Variants in ZDHHC14 observed in about 807,000 individuals in gnomAD.
ZDHHC14 encodes palmitoyltransferase ZDHHC14.
ZDHHC14 carries 16 observed loss-of-function variants against 47.7 expected under a neutral mutation model. The ratio of observed to expected loss-of-function variants is 0.34; its 90% CI spans 0.23 to 0.51. The LOEUF (loss-of-function observed/expected upper bound fraction) is 0.51, where lower values mean the gene tolerates loss of function less well. ZDHHC14 is among the 20% of genes least tolerant of loss of function. The pLI, the probability that ZDHHC14 is intolerant of heterozygous loss-of-function variation, is 0.97. For synonymous variants in ZDHHC14, 293 were observed against 278.9 expected (o/e 1.05, Z -0.50); for missense variants, 515 against 662.5 (o/e 0.78, Z 2.44).
At chr6:157,588,173 T>G (rs1032625614) in intron 2 of ZDHHC14, among the ~76,000 whole-genome samples, 2 of 152,090 alleles carry the variant, frequency 1.3e-5, no homozygotes, top group Non-Finnish European at 2.9e-5. Flanking sequence ...GGCAGGAGAA[T>G]GGCTTGAATC....
intron 1 of ZDHHC14, among the ~76,000 whole-genome samples, chr6:157,468,713 A>G (rs1405285464): frequency 6.6e-6 from 1 of 152,200 alleles, no homozygotes; most frequent in African/African-American, 2.4e-5. Context: ...TTTATGGAGA[A>G]GATAAGCCTA....
chr6:157,593,778 A>G (rs996138821), intron 3 of ZDHHC14, among the ~76,000 whole-genome samples: 4 of 152,334 alleles, frequency 2.6e-5, no homozygotes, highest in Non-Finnish European at 5.9e-5. Context: ...ACCCGGGCCC[A>G]GCCCCTGGGA....
At chr6:157,532,840 G>A (rs189590875) in intron 1 of ZDHHC14, among the ~76,000 whole-genome samples, 39 of 152,342 alleles carry the variant, frequency 2.6e-4, no homozygotes, top group African/African-American at 9.4e-4. Flanking sequence ...TTATCGTCAA[G>A]CATCTTCTTT....
intron 2 of ZDHHC14, among the ~76,000 whole-genome samples, chr6:157,554,096 A>G (rs1782358461): frequency 6.6e-6 from 1 of 152,256 alleles, no homozygotes; most frequent in South Asian, 2.1e-4. Flanking sequence ...AGAAAACACA[A>G]GTCCAAGTGG....
intron 3 of ZDHHC14, among the ~76,000 whole-genome samples, chr6:157,618,238 T>G (rs1439853304): frequency 6.6e-6 from 1 of 151,896 alleles, no homozygotes; most frequent in Non-Finnish European, 1.5e-5. Flanking sequence ...TATCTCAGAG[T>G]TTCACAAACG....
intron 1 of ZDHHC14, among the ~76,000 whole-genome samples, chr6:157,474,781 C>G (rs1379669924): frequency 6.6e-6 from 1 of 151,980 alleles, no homozygotes; most frequent in Non-Finnish European, 1.5e-5. Flanking sequence ...TGTTTGAGTT[C>G]CTTATGTATT....
At chr6:157,471,053 G>C (rs767328911) in intron 1 of ZDHHC14, among the ~76,000 whole-genome samples, 2 of 152,154 alleles carry the variant, frequency 1.3e-5, no homozygotes, top group African/African-American at 4.8e-5. Context: ...CTGAGGACCC[G>C]GGTTATGAGA....
chr6:157,486,602 T>G (rs1779784441), intron 1 of ZDHHC14, among the ~76,000 whole-genome samples: 1 of 152,080 alleles, frequency 6.6e-6, no homozygotes, highest in Non-Finnish European at 1.5e-5. Flanking sequence ...AGATAGGAGA[T>G]GCTGAGACAG....
At chr6:157,479,049 C>T (rs963134711) in intron 1 of ZDHHC14, among the ~76,000 whole-genome samples, 2 of 152,184 alleles carry the variant, frequency 1.3e-5, no homozygotes, top group Non-Finnish European at 2.9e-5. Flanking sequence ...TCTCTCCTCC[C>T]TGTAATCCTC....
chr6:157,640,124 G>A (rs896763022), intron 5 of ZDHHC14, among the ~76,000 whole-genome samples: 1 of 152,196 alleles, frequency 6.6e-6, no homozygotes, highest in African/African-American at 2.4e-5. Context: ...GGGGCCCTGG[G>A]CCTCCCTGAG....
chr6:157,468,512 G>A (rs1779276441), intron 1 of ZDHHC14, among the ~76,000 whole-genome samples: 1 of 152,180 alleles, frequency 6.6e-6, no homozygotes, highest in African/African-American at 2.4e-5. Context: ...CAAACATGTG[G>A]CATTTATATG....
intron 1 of ZDHHC14, among the ~76,000 whole-genome samples, chr6:157,461,803 C>T (rs986117511): frequency 2.0e-5 from 3 of 152,304 alleles, no homozygotes; most frequent in Admixed American, 6.5e-5. Context: ...CCCATCCAGC[C>T]GCTGGGTGCA....
intron 1 of ZDHHC14, among the ~76,000 whole-genome samples, chr6:157,415,654 C>T (rs954707659): frequency 1.3e-5 from 2 of 152,036 alleles, no homozygotes; most frequent in Non-Finnish European, 2.9e-5. Context: ...GTGGGCGGAT[C>T]ACTTGAGGTC....
chr6:157,465,127 T>A (rs1358000297), intron 1 of ZDHHC14, among the ~76,000 whole-genome samples: 1 of 149,204 alleles, frequency 6.7e-6, no homozygotes, highest in African/African-American at 2.5e-5. Flanking sequence ...TTTTTTTTTT[T>A]TACATTTTAA....
chr6:157,386,782 C>T (rs185982373), intron 1 of ZDHHC14, among the ~76,000 whole-genome samples: 8 of 152,302 alleles, frequency 5.3e-5, no homozygotes, highest in East Asian at 1.9e-4. Flanking sequence ...TCTCACATTC[C>T]CAGAAGTAGA....
chr6:157,484,127 C>T (rs1779698461), intron 1 of ZDHHC14, among the ~76,000 whole-genome samples: 1 of 151,332 alleles, frequency 6.6e-6, no homozygotes. Context: ...GAACAATAGA[C>T]ACTGGGGCCT....
At chr6:157,580,062 T>A (rs1783457603) in intron 2 of ZDHHC14, among the ~76,000 whole-genome samples, 4 of 152,210 alleles carry the variant, frequency 2.6e-5, no homozygotes, top group Admixed American at 6.5e-5. Flanking sequence ...GTATATTCCT[T>A]CAATGCCTAG....
At chr6:157,441,052 T>A (rs1030030496) in intron 1 of ZDHHC14, among the ~76,000 whole-genome samples, 39 of 152,262 alleles carry the variant, frequency 2.6e-4, no homozygotes, top group African/African-American at 9.1e-4. Context: ...CCAGAGGAAA[T>A]CTAAGTTTCC....
intron 2 of ZDHHC14, among the ~76,000 whole-genome samples, chr6:157,566,254 G>A (rs746725734): frequency 6.6e-5 from 10 of 151,890 alleles, no homozygotes; most frequent in East Asian, 1.9e-4. Flanking sequence ...AAAAAAACCC[G>A]AATTCCTGAA....
Sources: allele counts gnomAD v4.1 joint callset (sites outside exome capture counted in the v4.1 genomes callset), GRCh38; gene constraint gnomAD v4.1.1; transcripts MANE v1.5; gene names NCBI Gene and HGNC (gene_info 2026-07-23, HGNC 2026-07-21).